DPP10: variants seen among roughly 807,000 people sequenced by gnomAD.
DPP10 encodes the protein inactive dipeptidyl peptidase 10.
Under a neutral mutation model 120.9 loss-of-function variants are expected in DPP10, and 33 were observed. The ratio of observed to expected loss-of-function variants is 0.27; its 90% CI spans 0.21 to 0.37. The LOEUF (loss-of-function observed/expected upper bound fraction) is 0.37, where lower values mean the gene tolerates loss of function less well. DPP10 is among the 10% of genes least tolerant of loss of function. The pLI is 1.00. For missense variants in DPP10, 816 were observed against 942.8 expected (o/e 0.87, Z 1.76); for synonymous variants, 337 against 326.1 (o/e 1.03, Z -0.36).
chr2:114,679,899 A>G (rs886902741), intron 1 of DPP10, among the ~76,000 whole-genome samples: 1 of 151,974 alleles, frequency 6.6e-6, no homozygotes, highest in Non-Finnish European at 1.5e-5. Flanking sequence ...CCTCTAGCTA[A>G]ATAAGCTCAC....
chr2:115,221,321 C>T (rs2057144131), intron 1 of DPP10, among the ~76,000 whole-genome samples: 2 of 152,126 alleles, frequency 1.3e-5, no homozygotes, highest in South Asian at 4.1e-4. Flanking sequence ...GCTCACTTCA[C>T]TCATTTGTGT....
intron 1 of DPP10, among the ~76,000 whole-genome samples, chr2:115,126,980 T>C (rs6542246): frequency 6.6e-6 from 1 of 152,202 alleles, no homozygotes; most frequent in Non-Finnish European, 1.5e-5. Flanking sequence ...CAAACAACTT[T>C]GTTTAGAATA....
intron 1 of DPP10, among the ~76,000 whole-genome samples, chr2:115,151,334 C>T (rs142321210): frequency 1.3e-4 from 19 of 151,586 alleles, no homozygotes; most frequent in Non-Finnish European, 2.1e-4. Flanking sequence ...GATTGTACTA[C>T]GTTAATATTA....
intron 1 of DPP10, among the ~76,000 whole-genome samples, chr2:114,592,756 A>G (rs1228845289): frequency 6.6e-6 from 1 of 152,200 alleles, no homozygotes; most frequent in Non-Finnish European, 1.5e-5. Context: ...ATATTCTTAT[A>G]TATATTCTAA....
chr2:114,491,347 G>A (rs1173007515), intron 1 of DPP10, among the ~76,000 whole-genome samples: 2 of 152,176 alleles, frequency 1.3e-5, no homozygotes, highest in African/African-American at 2.4e-5. Context: ...ATTCCAAAGT[G>A]TGGGTATCTT....
intron 1 of DPP10, among the ~76,000 whole-genome samples, chr2:115,096,173 TCATA>T (rs1270355569): frequency 3.9e-5 from 6 of 152,118 alleles, no homozygotes; most frequent in Non-Finnish European, 5.9e-5. Flanking sequence ...GGCTTGTGGG[TCATA>T]CAATTTCTTA....
chr2:115,730,436 G>C (rs765376508), intron 8 of DPP10, among the ~76,000 whole-genome samples: 2 of 152,100 alleles, frequency 1.3e-5, no homozygotes, highest in Non-Finnish European at 2.9e-5. Flanking sequence ...GAGAAGACTA[G>C]ATTAGCAGCA....
intron 1 of DPP10, among the ~76,000 whole-genome samples, chr2:114,661,423 C>T (rs1464041715): frequency 3.9e-5 from 6 of 152,172 alleles, no homozygotes; most frequent in Non-Finnish European, 8.8e-5. Context: ...GTTAATGTCA[C>T]GAGAGCATCA....
At chr2:115,007,405 A>C (rs984437958) in intron 1 of DPP10, among the ~76,000 whole-genome samples, 2 of 151,984 alleles carry the variant, frequency 1.3e-5, no homozygotes, top group African/African-American at 4.8e-5. Flanking sequence ...CAATAAATTA[A>C]GTATTGATGG....
chr2:114,715,212 A>T (rs1463297116), intron 1 of DPP10, among the ~76,000 whole-genome samples: 1 of 152,198 alleles, frequency 6.6e-6, no homozygotes, highest in East Asian at 1.9e-4. Flanking sequence ...ACCAAAATAA[A>T]GGTAACAATT....
intron 1 of DPP10, among the ~76,000 whole-genome samples, chr2:114,826,860 A>C (rs1194749424): frequency 6.6e-6 from 1 of 152,196 alleles, no homozygotes. Flanking sequence ...AGTCTGATGA[A>C]AGAAATGGAT....
chr2:115,127,856 G>A (rs2050155088), intron 1 of DPP10, among the ~76,000 whole-genome samples: 1 of 152,046 alleles, frequency 6.6e-6, no homozygotes, highest in Admixed American at 6.6e-5. Flanking sequence ...GTACACTTCG[G>A]AAAAAGTGGC....
intron 1 of DPP10, among the ~76,000 whole-genome samples, chr2:114,454,497 A>G (rs1016809725): frequency 2.8e-4 from 43 of 152,170 alleles, no homozygotes; most frequent in Non-Finnish European, 5.6e-4. Flanking sequence ...TCTGCCTCCT[A>G]TTTGAGTGTC....
At chr2:115,364,696 C>G (rs1347160346) in intron 3 of DPP10, among the ~76,000 whole-genome samples, 1 of 150,144 alleles carries the variant, frequency 6.7e-6, no homozygotes, top group Admixed American at 6.7e-5. Context: ...TTCCATGTTC[C>G]TAAACCGAAT....
intron 7 of DPP10, among the ~76,000 whole-genome samples, chr2:115,702,381 C>T (rs187643158): frequency 2.4e-4 from 36 of 152,058 alleles, no homozygotes; most frequent in Admixed American, 1.0e-3. Context: ...AAACTTTGTA[C>T]GCAAATGTCC....
At chr2:115,686,537 C>T (rs569271700) in intron 5 of DPP10, among the ~76,000 whole-genome samples, 23 of 152,050 alleles carry the variant, frequency 1.5e-4, no homozygotes, top group African/African-American at 5.3e-4. Flanking sequence ...AAAACAACTG[C>T]AAACAATGAA....
intron 1 of DPP10, among the ~76,000 whole-genome samples, chr2:114,846,532 G>A (rs1688560833): frequency 6.6e-6 from 1 of 151,588 alleles, no homozygotes; most frequent in Non-Finnish European, 1.5e-5. Flanking sequence ...AATAGGTAAT[G>A]TGCAGTTTTA....
At chr2:115,659,218 C>T (rs2088680338) in intron 5 of DPP10, among the ~76,000 whole-genome samples, 1 of 152,116 alleles carries the variant, frequency 6.6e-6, no homozygotes, top group Non-Finnish European at 1.5e-5. Flanking sequence ...TCATACTTCC[C>T]AACCTCCATA....
Position 115,109,278 on chromosome 2 carries a change from G to A in DPP10, c.61-199961G>A, listed in dbSNP as rs1223045310. 3.9e-5 allele frequency among the ~76,000 whole-genome samples: 6 copies of A among 152,148 alleles called. 1 individual carries two copies. In the South Asian group the frequency reaches 8.3e-4, roughly 21 times the overall value. On this transcript the variant is annotated intron_variant, in intron 1 of 25. Transcript: ENST00000410059. ...GGCGGCCAGGCATGGTGGCTCACGC[G>A]TGTAATCCCAGCAGTTTGGGAGGCC... is the stretch of plus-strand genomic sequence containing the variant.
Sources: allele counts gnomAD v4.1 joint callset (sites outside exome capture counted in the v4.1 genomes callset), GRCh38; gene constraint gnomAD v4.1.1; transcripts MANE v1.5; gene names NCBI Gene and HGNC (gene_info 2026-07-23, HGNC 2026-07-21).